SYT1: variants seen among roughly 807,000 people sequenced by gnomAD.
SYT1 encodes synaptotagmin 1.
Under a neutral mutation model 44.8 loss-of-function variants are expected in SYT1, and 8 were observed. The ratio of observed to expected loss-of-function variants is 0.18; its 90% CI spans 0.10 to 0.32. The LOEUF is 0.32. Among genes scored for constraint, SYT1 ranks in the 10% least tolerant of loss-of-function variants. The probability of loss-of-function intolerance (pLI) is 1.00; values close to 1 mark genes in which losing one functional copy is unlikely to be tolerated. For synonymous variants in SYT1, 154 were observed against 188.8 expected, an observed-to-expected ratio of 0.82 and a Z score of 1.51; for missense variants, 286 against 509.3, an observed-to-expected ratio of 0.56 and a Z score of 4.22.
intron 1 of SYT1, among the ~76,000 whole-genome samples, chr12:78,919,477 C>T (rs1876860512): frequency 6.6e-6 from 1 of 152,054 alleles, no homozygotes; most frequent in Non-Finnish European, 1.5e-5. Flanking sequence ...GACCCCTGGG[C>T]TGTCCTGCCA....
chr12:79,122,511 C>A (rs558566890), intron 3 of SYT1, among the ~76,000 whole-genome samples: 219 of 4,782 alleles, frequency 0.046, no homozygotes, highest in African/African-American at 0.087. Flanking sequence ...GAGACTCCGT[C>A]TCAAAAAAAA....
At chr12:79,114,862 A>G (rs1286292915) in intron 3 of SYT1, among the ~76,000 whole-genome samples, 1 of 152,192 alleles carries the variant, frequency 6.6e-6, no homozygotes, top group African/African-American at 2.4e-5. Flanking sequence ...CATTTTTCAC[A>G]TAATCTCAAA....
intron 3 of SYT1, among the ~76,000 whole-genome samples, chr12:79,113,160 T>A (rs564518690): frequency 1.5e-4 from 23 of 152,256 alleles, no homozygotes; most frequent in Admixed American, 1.2e-3. Context: ...TCTGATATGT[T>A]AACCAAAATG....
chr12:79,224,878 C>T (rs1875416631), intron 4 of SYT1, among the ~76,000 whole-genome samples: 1 of 151,480 alleles, frequency 6.6e-6, no homozygotes, highest in Non-Finnish European at 1.5e-5. Flanking sequence ...CTCCTGGGTT[C>T]AAGCGATTCT....
intron 9 of SYT1, among the ~76,000 whole-genome samples, chr12:79,424,109 G>A (rs1210386865): frequency 2.6e-5 from 4 of 151,972 alleles, no homozygotes; most frequent in African/African-American, 9.7e-5. Context: ...AATGCTGTAC[G>A]TATAAGGGAA....
chr12:79,329,858 A>G (rs1881778709), intron 8 of SYT1, among the ~76,000 whole-genome samples: 1 of 152,200 alleles, frequency 6.6e-6, no homozygotes, highest in African/African-American at 2.4e-5. Context: ...GATAGCACTT[A>G]TTGCTTGTTT....
intron 3 of SYT1, among the ~76,000 whole-genome samples, chr12:79,186,892 T>C (rs887538344): frequency 6.6e-6 from 1 of 152,098 alleles, no homozygotes; most frequent in Non-Finnish European, 1.5e-5. Flanking sequence ...TTTTCTGTGA[T>C]AATACACCAA....
At chr12:79,424,484 G>C (rs1869314014) in intron 9 of SYT1, among the ~76,000 whole-genome samples, 1 of 152,134 alleles carries the variant, frequency 6.6e-6, no homozygotes, top group African/African-American at 2.4e-5. Context: ...CAAACAACAG[G>C]CATAAGCATA....
intron 3 of SYT1, among the ~76,000 whole-genome samples, chr12:79,213,549 C>G (rs1164537738): frequency 6.6e-6 from 1 of 152,192 alleles, no homozygotes; most frequent in East Asian, 1.9e-4. Flanking sequence ...AGCGGGTGCT[C>G]AATAACTGTT....
intron 9 of SYT1, among the ~76,000 whole-genome samples, chr12:79,436,487 A>G (rs139587246): frequency 3.2e-3 from 490 of 152,238 alleles, no homozygotes; most frequent in African/African-American, 0.011. Context: ...AGGCAATATA[A>G]TTATGCTAAA....
At chr12:79,082,891 G>A (rs565901789) in intron 3 of SYT1, among the ~76,000 whole-genome samples, 40 of 152,172 alleles carry the variant, frequency 2.6e-4, no homozygotes, top group African/African-American at 8.4e-4. Context: ...AGGTGAACAC[G>A]TCTTCTCAGG....
chr12:79,384,238 C>T (rs1028502821), intron 9 of SYT1, among the ~76,000 whole-genome samples: 2 of 152,070 alleles, frequency 1.3e-5, no homozygotes, highest in African/African-American at 4.8e-5. Context: ...GCCTAACAAC[C>T]TCTTAAACAT....
chr12:79,165,882 T>G (rs1355415161), intron 3 of SYT1, among the ~76,000 whole-genome samples: 8 of 152,046 alleles, frequency 5.3e-5, no homozygotes, highest in African/African-American at 1.9e-4. Flanking sequence ...CTAGGAAACT[T>G]AAATTTCATT....
chr12:79,338,938 G>A (rs1053728627), intron 8 of SYT1, among the ~76,000 whole-genome samples: 7 of 151,844 alleles, frequency 4.6e-5, no homozygotes, highest in African/African-American at 1.7e-4. Flanking sequence ...CTGTCCTTGT[G>A]ATAGTTTGCT....
intron 1 of SYT1, among the ~76,000 whole-genome samples, chr12:78,975,098 C>A (rs938376974): frequency 6.7e-6 from 1 of 149,688 alleles, no homozygotes; most frequent in African/African-American, 2.5e-5. Flanking sequence ...CCCACCCCCA[C>A]CTCCCTGATC....
chr12:79,142,204 T>C (rs1243807702), intron 3 of SYT1, among the ~76,000 whole-genome samples: 9 of 152,194 alleles, frequency 5.9e-5, no homozygotes, highest in Non-Finnish European at 1.3e-4. Context: ...GACTCACAGC[T>C]CACTCATATT....
At chr12:79,161,983 C>T (rs970698872) in intron 3 of SYT1, among the ~76,000 whole-genome samples, 3 of 152,056 alleles carry the variant, frequency 2.0e-5, no homozygotes, top group Admixed American at 6.6e-5. Context: ...ACATATTGTT[C>T]GATTCCACAC....
At chr12:79,419,606 C>T (rs777283860) in intron 9 of SYT1, among the ~76,000 whole-genome samples, 7 of 152,082 alleles carry the variant, frequency 4.6e-5, no homozygotes, top group East Asian at 1.9e-4. Flanking sequence ...GAATCTGACT[C>T]GGAGTACCTC....
chr12:79,024,374 CA>C (rs1872391156), intron 2 of SYT1, among the ~76,000 whole-genome samples: 1 of 151,720 alleles, frequency 6.6e-6, no homozygotes, highest in Admixed American at 6.6e-5. Context: ...TGTGCTGCTT[CA>C]AAAAGTAAAG....
Sources: allele counts gnomAD v4.1 joint callset (sites outside exome capture counted in the v4.1 genomes callset), GRCh38; gene constraint gnomAD v4.1.1; transcripts MANE v1.5; gene names NCBI Gene and HGNC (gene_info 2026-07-23, HGNC 2026-07-21).